ERC2: variants seen among roughly 807,000 people sequenced by gnomAD.
ERC2 encodes ERC protein 2.
Under a neutral mutation model 114.8 loss-of-function variants are expected in ERC2, and 42 were observed. The ratio of observed to expected loss-of-function variants is 0.37; its 90% confidence interval spans 0.29 to 0.47. The LOEUF (loss-of-function observed/expected upper bound fraction) is 0.47, where lower values mean the gene tolerates loss of function less well. Among genes scored for constraint, ERC2 ranks in the 20% least tolerant of loss-of-function variants. The pLI is 0.99. For missense variants in ERC2, 939 were observed against 1,150.7 expected (o/e 0.82, Z 2.66); for synonymous variants, 454 against 425.5 (o/e 1.07, Z -0.82).
At chr3:55,733,705 G>T (rs74657610) in intron 15 of ERC2, among the ~76,000 whole-genome samples, 1,756 of 152,250 alleles carry the variant, frequency 0.012, 26 homozygotes, top group Non-Finnish European at 0.013. Flanking sequence ...CATTGTAAGT[G>T]GAGGGAACTT....
chr3:55,635,225 CCAGA>C (rs2059912096), intron 17 of ERC2, among the ~76,000 whole-genome samples: 1 of 151,826 alleles, frequency 6.6e-6, no homozygotes, highest in African/African-American at 2.4e-5. Context: ...GACCTCTTAT[CCAGA>C]CAGTCATCTG....
chr3:56,136,468 G>T (rs878965197), intron 6 of ERC2, among the ~76,000 whole-genome samples: 1 of 151,886 alleles, frequency 6.6e-6, no homozygotes, highest in Admixed American at 6.6e-5. Flanking sequence ...TACATGTGTG[G>T]GTTTGTTGTA....
At chr3:55,897,151 T>C (rs2063880689) in intron 13 of ERC2, among the ~76,000 whole-genome samples, 1 of 152,220 alleles carries the variant, frequency 6.6e-6, no homozygotes. Context: ...CGACTTAAAC[T>C]TACACATACA....
Position 55,840,774 on chromosome 3 carries a change from C to A in ERC2, c.2564+47615G>T, listed in dbSNP as rs887875432. Reference sequence around the variant, plus strand: ...ACAGACAAATGATATGCCAAACCTACTGGCATACTAGTAGGCAATAAAAAG... The same window carrying A: ...ACAGACAAATGATATGCCAAACCTAATGGCATACTAGTAGGCAATAAAAAG... On this transcript the variant is annotated intron_variant, in intron 14 of 17. Coordinates refer to ENST00000288221, the MANE Select transcript of ERC2 (RefSeq NM_015576.3). Among the ~76,000 whole-genome samples the A allele has an allele frequency of 6.6e-5, 10 of 152,212 alleles. 2 individuals are homozygous for A. The South Asian group carries it at 2.1e-3, about 32-fold the overall frequency.
At chr3:56,032,921 A>AGACAC (rs1560056350) in intron 7 of ERC2, among the ~76,000 whole-genome samples, 2 of 80,784 alleles carry the variant, frequency 2.5e-5, no homozygotes, top group Non-Finnish European at 2.8e-5. Context: ...GAAAGAAAGA[A>AGACAC]AGAAAGAAAG....
chr3:56,058,741 T>C (rs1411530108), intron 7 of ERC2, among the ~76,000 whole-genome samples: 27 of 152,200 alleles, frequency 1.8e-4, no homozygotes, highest in Admixed American at 1.8e-3. Context: ...GCAGACAGCC[T>C]TGGACTCAAA....
rs184608181 is a variant in ERC2 at position 56,115,074 on chromosome 3, C to T, written c.1473+24435G>A. Among the ~76,000 whole-genome samples, 621 of 152,286 alleles carry T rather than the reference C, an allele frequency of 4.1e-3. 4 individuals are homozygous for T. Among genetic ancestry groups the T allele is most frequent in the Non-Finnish European group, 6.0e-3 (409 of 68,032 alleles). On this transcript the variant is annotated intron_variant, in intron 6 of 17. Coordinates refer to ENST00000288221, the MANE Select transcript of ERC2 (RefSeq NM_015576.3). Reference sequence around the variant, plus strand: ...TTTCAGACCCTGAATTCTGATGGATCAGCTGGTGCCACTAAGACCAGTAAA... The same window carrying T: ...TTTCAGACCCTGAATTCTGATGGATTAGCTGGTGCCACTAAGACCAGTAAA...
chr3:56,172,231 T>C (rs1045769382), intron 4 of ERC2, among the ~76,000 whole-genome samples: 1 of 152,128 alleles, frequency 6.6e-6, no homozygotes, highest in Non-Finnish European at 1.5e-5. Flanking sequence ...TATTGGCATT[T>C]GGTCCCTTCA....
At chr3:56,085,781 G>C (rs1214044337) in intron 6 of ERC2, among the ~76,000 whole-genome samples, 1 of 152,276 alleles carries the variant, frequency 6.6e-6, no homozygotes, top group Non-Finnish European at 1.5e-5. Context: ...TTATAGCAGT[G>C]GTTATAAAGG....
chr3:56,125,376 T>C (rs955514736), intron 6 of ERC2, among the ~76,000 whole-genome samples: 1 of 152,122 alleles, frequency 6.6e-6, no homozygotes, highest in African/African-American at 2.4e-5. Flanking sequence ...AGAAATTAGG[T>C]TCCCCAGTGA....
At chr3:55,846,693 T>TCTTTCTCTC (rs1553702627) in intron 14 of ERC2, among the ~76,000 whole-genome samples, 8 of 142,912 alleles carry the variant, frequency 5.6e-5, no homozygotes, top group African/African-American at 2.1e-4. Context: ...CTCTCTCTCT[T>TCTTTCTCTC]TCTCTCTCTC....
intron 17 of ERC2, among the ~76,000 whole-genome samples, chr3:55,640,151 C>T (rs2060118507): frequency 1.3e-5 from 2 of 152,320 alleles, no homozygotes; most frequent in African/African-American, 4.8e-5. Context: ...GCAGCCACAC[C>T]CTTGCCTTGA....
At chr3:56,275,320 G>A (rs1015170138) in intron 3 of ERC2, among the ~76,000 whole-genome samples, 1 of 152,112 alleles carries the variant, frequency 6.6e-6, no homozygotes, top group African/African-American at 2.4e-5. Flanking sequence ...GTGTAGTACG[G>A]CCAATGAAAA....
intron 17 of ERC2, among the ~76,000 whole-genome samples, chr3:55,593,230 T>G (rs116703421): frequency 6.6e-6 from 1 of 152,150 alleles, no homozygotes; most frequent in African/African-American, 2.4e-5. Context: ...CTTGCCTTGG[T>G]GCAAATCAGT....
chr3:56,239,905 G>A (rs1199227466), intron 3 of ERC2, among the ~76,000 whole-genome samples: 2 of 152,182 alleles, frequency 1.3e-5, no homozygotes, highest in African/African-American at 2.4e-5. Flanking sequence ...CAAACATAGA[G>A]CAATGAAATC....
intron 17 of ERC2, among the ~76,000 whole-genome samples, chr3:55,584,627 T>C (rs978087288): frequency 5.9e-5 from 9 of 152,194 alleles, no homozygotes; most frequent in African/African-American, 2.2e-4. Context: ...CTTTCTCACC[T>C]GCATATGCCA....
At chr3:55,612,341 G>A (rs758739308) in intron 17 of ERC2, among the ~76,000 whole-genome samples, 6 of 152,172 alleles carry the variant, frequency 3.9e-5, no homozygotes, top group Non-Finnish European at 5.9e-5. Context: ...CAGTCTCAAA[G>A]TGGCAGGTGT....
At chr3:55,992,730 G>C (rs768260431) in intron 10 of ERC2, among the ~76,000 whole-genome samples, 1 of 152,150 alleles carries the variant, frequency 6.6e-6, no homozygotes, top group Non-Finnish European at 1.5e-5. Context: ...ACATATAAGA[G>C]ACTGATTAAC....
intron 17 of ERC2, among the ~76,000 whole-genome samples, chr3:55,513,283 C>T (rs1303940984): frequency 1.3e-5 from 2 of 152,200 alleles, no homozygotes; most frequent in African/African-American, 2.4e-5. Flanking sequence ...GCCATACTGG[C>T]GAGGCCCCAT....
Sources: gnomAD v4.1 joint callset for allele counts (sites outside exome capture counted in the v4.1 genomes callset) on GRCh38, gnomAD v4.1.1 for gene constraint, MANE v1.5 for transcripts, NCBI Gene and HGNC (gene_info 2026-07-23, HGNC 2026-07-21) for gene names.